Variants in TMEM132D observed in about 807,000 individuals in gnomAD.
TMEM132D encodes transmembrane protein 132D.
Under a neutral mutation model 62.3 loss-of-function variants are expected in TMEM132D, and 21 were observed. That is an observed-to-expected ratio of 0.34 (90% CI 0.24 to 0.49). TMEM132D has a LOEUF of 0.49. Among genes scored for constraint, TMEM132D ranks in the 20% least tolerant of loss-of-function variants. The pLI, the probability that TMEM132D is intolerant of heterozygous loss-of-function variation, is 0.99. For synonymous variants in TMEM132D, 621 were observed against 575.6 expected, an observed-to-expected ratio of 1.08 and a Z score of -1.13; for missense variants, 1,346 against 1,402.8, an observed-to-expected ratio of 0.96 and a Z score of 0.65.
chr12:129,623,930 A>G (rs1038638797), intron 2 of TMEM132D, among the ~76,000 whole-genome samples: 20 of 152,210 alleles, frequency 1.3e-4, no homozygotes, highest in Admixed American at 3.9e-4. Context: ...ATAGATACCC[A>G]GTAGTGGGAT....
At chr12:129,435,065 T>C (rs1373380837) in intron 3 of TMEM132D, among the ~76,000 whole-genome samples, 6 of 152,188 alleles carry the variant, frequency 3.9e-5, no homozygotes, top group Admixed American at 3.9e-4. Flanking sequence ...GAATGTACCG[T>C]ATTTGTCCTT....
intron 1 of TMEM132D, among the ~76,000 whole-genome samples, chr12:129,897,914 T>C (rs1875201508): frequency 6.6e-6 from 1 of 152,210 alleles, no homozygotes; most frequent in Non-Finnish European, 1.5e-5. Flanking sequence ...TTCCATATAA[T>C]TATCAGAAGT....
chr12:129,628,965 T>C (rs941484543), intron 2 of TMEM132D, among the ~76,000 whole-genome samples: 2 of 151,710 alleles, frequency 1.3e-5, no homozygotes, highest in South Asian at 4.2e-4. Flanking sequence ...CATGTCTTTT[T>C]CTCTGTTTCT....
intron 1 of TMEM132D, among the ~76,000 whole-genome samples, chr12:129,864,903 A>G (rs1215495851): frequency 2.0e-5 from 3 of 152,208 alleles, no homozygotes; most frequent in Admixed American, 6.5e-5. Context: ...GCCACAACCA[A>G]TTAGACAAGG....
At chr12:129,356,079 C>T (rs1356545723) in intron 3 of TMEM132D, among the ~76,000 whole-genome samples, 6 of 151,932 alleles carry the variant, frequency 3.9e-5, no homozygotes, top group African/African-American at 1.2e-4. Flanking sequence ...CTCCTGGAAG[C>T]GCTTCCTTCA....
chr12:129,145,463 G>C (rs1876868838), intron 5 of TMEM132D, among the ~76,000 whole-genome samples: 1 of 152,116 alleles, frequency 6.6e-6, no homozygotes, highest in Non-Finnish European at 1.5e-5. Context: ...ACGGACTTCT[G>C]TCAGATGTGA....
At chr12:129,401,771 G>T (rs35225191) in intron 3 of TMEM132D, among the ~76,000 whole-genome samples, 1 of 151,938 alleles carries the variant, frequency 6.6e-6, no homozygotes, top group African/African-American at 2.4e-5. Flanking sequence ...CAGTCTGTGT[G>T]CCCTTCTCTC....
chr12:129,473,550 C>T (rs759753185), intron 3 of TMEM132D, among the ~76,000 whole-genome samples: 2 of 151,944 alleles, frequency 1.3e-5, no homozygotes, highest in Admixed American at 6.6e-5. Context: ...AGGCTGGTCT[C>T]GAACCCCTGG....
chr12:129,855,118 G>GGGTGCCCTTATAACAGAGTCCGGGGGAAC (rs1566009819), intron 1 of TMEM132D, among the ~76,000 whole-genome samples: 3 of 129,548 alleles, frequency 2.3e-5, no homozygotes, highest in Non-Finnish European at 3.4e-5. Context: ...GGAACGGGAT[G>GGGTGCCCTTATAACAGAGTCCGGGGGAAC]GCTGCCCTTG....
intron 2 of TMEM132D, among the ~76,000 whole-genome samples, chr12:129,659,474 A>G (rs1052583348): frequency 1.3e-5 from 2 of 152,216 alleles, no homozygotes; most frequent in African/African-American, 4.8e-5. Flanking sequence ...TCAAAAGCAA[A>G]TAAGAGTTTA....
At chr12:129,590,616 A>G (rs1364962238) in intron 2 of TMEM132D, among the ~76,000 whole-genome samples, 1 of 152,218 alleles carries the variant, frequency 6.6e-6, no homozygotes, top group South Asian at 2.1e-4. Context: ...AGAAAGTTGC[A>G]TCTGCTGCAG....
intron 3 of TMEM132D, among the ~76,000 whole-genome samples, chr12:129,361,323 C>T (rs1870242344): frequency 6.6e-6 from 1 of 152,198 alleles, no homozygotes; most frequent in African/African-American, 2.4e-5. Context: ...GAATCACCCT[C>T]TTCCTGCCCA....
chr12:129,597,725 G>A (rs1489006073), intron 2 of TMEM132D, among the ~76,000 whole-genome samples: 2 of 152,144 alleles, frequency 1.3e-5, no homozygotes, highest in African/African-American at 4.8e-5. Context: ...CCATAACATA[G>A]CATTTAGAAA....
intron 4 of TMEM132D, among the ~76,000 whole-genome samples, chr12:129,259,612 T>C (rs111647223): frequency 0.019 from 2,846 of 152,134 alleles, 86 homozygotes; most frequent in African/African-American, 0.065. Flanking sequence ...GAACAGATGG[T>C]AATTAGAGTC....
At chr12:129,849,709 C>T (rs1873474521) in intron 1 of TMEM132D, among the ~76,000 whole-genome samples, 1 of 152,152 alleles carries the variant, frequency 6.6e-6, no homozygotes, top group East Asian at 1.9e-4. Flanking sequence ...CAGTTCCCTG[C>T]CAGGCAACGC....
intron 2 of TMEM132D, among the ~76,000 whole-genome samples, chr12:129,618,786 A>T (rs894523202): frequency 6.6e-6 from 1 of 152,230 alleles, no homozygotes; most frequent in African/African-American, 2.4e-5. Context: ...TCTGTGACAT[A>T]GCCTCAGGAG....
chr12:129,751,203 G>A (rs1160408948), intron 1 of TMEM132D, among the ~76,000 whole-genome samples: 1 of 152,156 alleles, frequency 6.6e-6, no homozygotes, highest in Non-Finnish European at 1.5e-5. Flanking sequence ...AGGCTCTACA[G>A]GAATCATGAC....
Position 129,797,522 on chromosome 12 carries a change from C to T in TMEM132D, c.80-96824G>A, listed in dbSNP as rs559574766. Among the ~76,000 whole-genome samples, 7 of 152,332 alleles carry T rather than the reference C, an allele frequency of 4.6e-5. No individual in the cohort carries two copies. The East Asian group carries it at 1.4e-3, about 29-fold the overall frequency. ...GCTTCACTGCACAGCTGATCAGACCCAGAGTGGTGCTCGTGGAGGGGCTCT... is the reference window on the plus strand; with the variant it reads ...GCTTCACTGCACAGCTGATCAGACCTAGAGTGGTGCTCGTGGAGGGGCTCT... On this transcript the variant is annotated intron_variant, in intron 1 of 8. Coordinates refer to ENST00000422113, the MANE Select transcript of TMEM132D (RefSeq NM_133448.3).
At chr12:129,102,302 A>G (rs1375774301) in intron 5 of TMEM132D, among the ~76,000 whole-genome samples, 1 of 152,012 alleles carries the variant, frequency 6.6e-6, no homozygotes, top group African/African-American at 2.4e-5. Flanking sequence ...TCACACACAT[A>G]CACATGCACA....
Sources: gnomAD v4.1 joint callset for allele counts (sites outside exome capture counted in the v4.1 genomes callset) on GRCh38, gnomAD v4.1.1 for gene constraint, MANE v1.5 for transcripts, NCBI Gene and HGNC (gene_info 2026-07-23, HGNC 2026-07-21) for gene names.